The following ABHD5 variants were observed in gnomAD, a reference collection of about 807,000 sequenced individuals.
ABHD5 encodes 1-acylglycerol-3-phosphate O-acyltransferase ABHD5.
In ABHD5, 30 loss-of-function variants were observed where a neutral mutation model predicts 44.9. That is an observed-to-expected ratio of 0.67 (90% confidence interval 0.50 to 0.91). The LOEUF (loss-of-function observed/expected upper bound fraction) is 0.91. Ranked by LOEUF, ABHD5 falls within the 40% of genes least tolerant of loss-of-function variation. ABHD5 has a pLI of 0.00. For missense variants in ABHD5, 399 were observed against 423.4 expected, an observed-to-expected ratio of 0.94 and a Z score of 0.50; for synonymous variants, 167 against 147.0, an observed-to-expected ratio of 1.14 and a Z score of -0.99.
intron 1 of ABHD5, among the ~76,000 whole-genome samples, chr3:43,693,018 A>G (rs1162975854): frequency 1.3e-5 from 2 of 152,236 alleles, no homozygotes; most frequent in Non-Finnish European, 2.9e-5. Flanking sequence ...ACTGGGATCC[A>G]TTTTGCTTTC....
chr3:43,706,042 A>G (rs1029164263), intron 3 of ABHD5, among the ~76,000 whole-genome samples: 4 of 152,156 alleles, frequency 2.6e-5, no homozygotes, highest in Non-Finnish European at 4.4e-5. Context: ...AGCAAACCTC[A>G]TATTAAGTTA....
At chr3:43,700,298 C>T (rs934998107) in intron 2 of ABHD5, among the ~76,000 whole-genome samples, 11 of 152,084 alleles carry the variant, frequency 7.2e-5, no homozygotes, top group African/African-American at 1.2e-4. Flanking sequence ...TTTACCCAAA[C>T]TTGTACCATC....
intron 3 of ABHD5, among the ~76,000 whole-genome samples, chr3:43,706,921 G>GTCC (rs1399730153): frequency 2.0e-5 from 3 of 152,110 alleles, no homozygotes; most frequent in African/African-American, 7.2e-5. Flanking sequence ...AACTACTTCA[G>GTCC]TCCTTGTCTT....
chr3:43,692,447 C>T (rs1035184674), intron 1 of ABHD5, among the ~76,000 whole-genome samples: 2 of 152,096 alleles, frequency 1.3e-5, no homozygotes, highest in African/African-American at 4.8e-5. Flanking sequence ...TGTAGTGGGG[C>T]CTTGGAGTCC....
chr3:43,730,006 G>A (rs1323006600), intron 7 of ABHD5, among the ~76,000 whole-genome samples: 1 of 152,154 alleles, frequency 6.6e-6, no homozygotes, highest in African/African-American at 2.4e-5. Flanking sequence ...AGCAGGAGGT[G>A]GCATTTGAAA....
chr3:43,719,856 A>G lies in ABHD5; in HGVS notation c.*1324A>G, dbSNP rs1328990911. ...TAGGAGAAAGGTAGCTATGTAAATA[A>G]AAACAGTGAACTAGAGCAAATAGTG... On this transcript the variant is annotated 3_prime_UTR_variant, in exon 7 of 7. Coordinates refer to ENST00000644371, the MANE Select transcript of ABHD5 (RefSeq NM_016006.6). 2.0e-5 allele frequency: 3 copies of G among 150,720 alleles called. No individual in the cohort carries two copies. The highest frequency in any genetic ancestry group is 2.0e-4 in the Admixed American group (3 of 15,238). 9.3% of individuals were successfully genotyped at this position (150,720 alleles called of 1,614,324 possible).
In ABHD5 at chr3:43,709,179, T is replaced by C. The variant is rs536773067; in HGVS notation, c.507-2530T>C. On this transcript the variant is annotated intron_variant, in intron 3 of 6. Transcript: ENST00000644371. ...CCAAATGTTTACCAAGCATCTGCCA[T>C]GTGCTAAGCCTCATGCTAGGTTATG... 1.1e-4 allele frequency among the ~76,000 whole-genome samples: 16 copies of C among 152,362 alleles called. No homozygotes were observed. In the South Asian group the frequency reaches 2.9e-3, roughly 28 times the overall value.
intron 7 of ABHD5, among the ~76,000 whole-genome samples, chr3:43,729,455 A>G (rs1302270002): frequency 6.6e-6 from 1 of 152,188 alleles, no homozygotes; most frequent in Non-Finnish European, 1.5e-5. Flanking sequence ...ATCTCCAAAA[A>G]CCATCTTCAT....
At chr3:43,731,972 T>TGA (rs2084915630) in intron 7 of ABHD5, among the ~76,000 whole-genome samples, 3 of 152,078 alleles carry the variant, frequency 2.0e-5, no homozygotes, top group Non-Finnish European at 4.4e-5. Flanking sequence ...CCCAGGAAGC[T>TGA]GAGAAAACTC....
chr3:43,731,166 C>T (rs2084910764), intron 7 of ABHD5, among the ~76,000 whole-genome samples: 2 of 152,222 alleles, frequency 1.3e-5, no homozygotes, highest in Middle Eastern at 3.4e-3. Flanking sequence ...CTTGTGGCCC[C>T]AGGTGGTGAG....
At chr3:43,726,801 G>T (rs549947516), downstream of ABHD5, among the ~76,000 whole-genome samples, 1 of 152,336 alleles carries the variant, frequency 6.6e-6, no homozygotes, top group East Asian at 1.9e-4. Context: ...ACCCCCAAGA[G>T]ATTCTAATTC....
chr3:43,695,792 T>G (rs1475026908), intron 1 of ABHD5, among the ~76,000 whole-genome samples: 1 of 152,206 alleles, frequency 6.6e-6, no homozygotes, highest in Non-Finnish European at 1.5e-5. Context: ...GTGGTGTCTA[T>G]CTCTCACTCA....
chr3:43,714,381 C>T (rs868063718), intron 4 of ABHD5, among the ~76,000 whole-genome samples: 1 of 152,150 alleles, frequency 6.6e-6, no homozygotes, highest in East Asian at 1.9e-4. Flanking sequence ...GATCCGCCCA[C>T]CTCGGTCTCC....
intron 7 of ABHD5, among the ~76,000 whole-genome samples, chr3:43,730,416 T>C (rs1404180619): frequency 6.6e-6 from 1 of 152,122 alleles, no homozygotes; most frequent in African/African-American, 2.4e-5. Flanking sequence ...ACTTCCTGGA[T>C]CTGTCTTCCA....
chr3:43,717,892 A>G (rs1450813650), intron 6 of ABHD5, 35 bp downstream of exon 6: 10 of 1,613,122 alleles, frequency 6.2e-6, no homozygotes, highest in South Asian at 4.4e-5. Flanking sequence ...TTTTAGGTAT[A>G]GGTGAGGTCC....
At chr3:43,707,821 G>A (rs1335009989) in intron 3 of ABHD5, 1 of 152,230 alleles carries the variant, frequency 6.6e-6, no homozygotes, top group Non-Finnish European at 1.5e-5. Context: ...GTAGAGACAG[G>A]GTTTCGCCGT....
intron 4 of ABHD5, among the ~76,000 whole-genome samples, chr3:43,714,335 G>A (rs34547286): frequency 0.063 from 9,491 of 151,626 alleles, 492 homozygotes; most frequent in African/African-American, 0.13. Flanking sequence ...GGGTTTCACC[G>A]TGTTGGTCAG....
intron 7 of ABHD5, among the ~76,000 whole-genome samples, chr3:43,731,746 C>T (rs1452891580): frequency 7.2e-5 from 11 of 152,142 alleles, no homozygotes; most frequent in Admixed American, 3.3e-4. Context: ...GCAGGAGAAT[C>T]GCTTGAACCC....
downstream of ABHD5, among the ~76,000 whole-genome samples, chr3:43,723,698 G>T (rs2084858959): frequency 6.6e-6 from 1 of 152,092 alleles, no homozygotes; most frequent in Admixed American, 6.5e-5. Flanking sequence ...TCTAGAATGT[G>T]GGAAATTCCA....
Sources: allele counts gnomAD v4.1 joint callset (sites outside exome capture counted in the v4.1 genomes callset), GRCh38; gene constraint gnomAD v4.1.1; transcripts MANE v1.5; gene names NCBI Gene and HGNC (gene_info 2026-07-23, HGNC 2026-07-21).